The following GRM4 variants were observed in gnomAD, a reference collection of about 807,000 sequenced individuals.
GRM4 encodes the protein metabotropic glutamate receptor 4.
In GRM4, 28 loss-of-function variants were observed where a neutral mutation model predicts 81.7. That is an observed-to-expected ratio of 0.34 (90% CI 0.25 to 0.47). The LOEUF (loss-of-function observed/expected upper bound fraction) is 0.47. GRM4 is among the 20% of genes least tolerant of loss of function. The pLI is 1.00. For synonymous variants in GRM4, 488 were observed against 528.8 expected (o/e 0.92, Z 1.06); for missense variants, 948 against 1,290.0 (o/e 0.73, Z 4.06).
intron 3 of GRM4, among the ~76,000 whole-genome samples, chr6:34,084,996 G>A (rs1266939237): frequency 6.6e-6 from 1 of 152,176 alleles, no homozygotes; most frequent in Non-Finnish European, 1.5e-5. Flanking sequence ...AGGTGCTAGG[G>A]CTGGCTGTGC....
Position 34,022,812 on chromosome 6 carries a change from A to G in GRM4, c.*9T>C. On this transcript the variant is annotated 3_prime_UTR_variant, in exon 11 of 11. Transcript: ENST00000538487. This position sits in a 1 kb window ranked among gnomAD's most constrained non-coding sequence, Gnocchi z 5.6. The stretch of plus-strand genomic sequence containing the variant: ...GCTCCTCCTCCTGCTGCTCAGCTCC[A>G]TGGACTCGCTAGATTGCATGGTTGG... The G allele has an allele frequency of 1.9e-6, 3 of 1,612,530 alleles. No homozygotes were observed. The highest frequency in any genetic ancestry group is 2.5e-6 in the Non-Finnish European group (3 of 1,178,544).
chr6:34,021,024 CT>C lies in GRM4; in HGVS notation c.*1796del, dbSNP rs1763853861. ...GCACAGGCAGCCCAGGCTCCAGCTG[CT>C]GCCTATGGCCTCATTGTGTTTCTGG... On this transcript the variant is annotated 3_prime_UTR_variant, in exon 11 of 11. Coordinates refer to ENST00000538487, the MANE Select transcript of GRM4 (RefSeq NM_000841.4). This position sits in a 1 kb window ranked among gnomAD's most constrained non-coding sequence, Gnocchi z 5.3. 6.6e-6 allele frequency: 1 copy of C among 152,036 alleles called. No homozygotes were observed. Among genetic ancestry groups the C allele is most frequent in the African/African-American group, 2.4e-5 (1 of 41,368 alleles). The allele number at this position is 152,036 out of a possible 1,614,324, so 9.4% of individuals were successfully genotyped here.
upstream of GRM4, among the ~76,000 whole-genome samples, chr6:34,147,095 C>T (rs549137936): frequency 2.0e-5 from 3 of 152,332 alleles, no homozygotes; most frequent in South Asian, 2.1e-4. Context: ...GTTGGCAAAG[C>T]TTGCACTCTC....
At chr6:34,085,660 G>T (rs1767845886) in intron 3 of GRM4, among the ~76,000 whole-genome samples, 1 of 152,208 alleles carries the variant, frequency 6.6e-6, no homozygotes, top group African/African-American at 2.4e-5. Flanking sequence ...AACATTTATT[G>T]AGCAACTACT....
intron 1 of GRM4, among the ~76,000 whole-genome samples, chr6:34,145,241 G>A (rs762335989): frequency 1.1e-4 from 16 of 151,694 alleles, no homozygotes; most frequent in Middle Eastern, 3.4e-3. Context: ...CCAGCGCGCC[G>A]CGGAGCCGCC....
At chr6:34,128,915 G>C (rs879935262) in intron 2 of GRM4, among the ~76,000 whole-genome samples, 1 of 152,122 alleles carries the variant, frequency 6.6e-6, no homozygotes, top group Non-Finnish European at 1.5e-5. Context: ...ATTATTTCTG[G>C]ATCCCCCTGA....
In GRM4 at chr6:34,114,592, C is replaced by A. The variant is rs1489942; in HGVS notation, c.519+18386G>T. Among the ~76,000 whole-genome samples the A allele has an allele frequency of 9.4e-4, 143 of 152,188 alleles. No homozygotes were observed. Among genetic ancestry groups the A allele is most frequent in the African/African-American group, 3.3e-3 (139 of 41,506 alleles). On this transcript the variant is annotated intron_variant, in intron 2 of 10. Transcript: ENST00000538487. The surrounding 1 kb of genome is among the most constrained non-coding windows in gnomAD (Gnocchi z 4.3). Reference sequence around the variant, plus strand: ...AGCCCCTCTCCACTCACCCTCTGCCCAACCCTCCTGCATGCCACATCCCTG... The same window carrying A: ...AGCCCCTCTCCACTCACCCTCTGCCAAACCCTCCTGCATGCCACATCCCTG...
rs561199937 is a variant in GRM4 at position 34,091,720 on chromosome 6, T to C, written c.736+163A>G. On this transcript the variant is annotated intron_variant, in intron 3 of 10. Coordinates refer to ENST00000538487, the MANE Select transcript of GRM4 (RefSeq NM_000841.4). ...AGTCACCCAGAGCCCAGTGAGGCCA[T>C]GGACCAAACCACAGTGCTCAAAGAA... 1.4e-4 allele frequency: 87 copies of C among 610,586 alleles called. No individual in the cohort carries two copies. In the East Asian group the frequency reaches 2.3e-3, roughly 16 times the overall value. 37.8% of individuals were successfully genotyped at this position (610,586 alleles called of 1,614,324 possible). A position where few individuals can be genotyped will look rare whatever the true frequency, so the allele number is the denominator to read the frequency against.
chr6:34,128,216 G>A (rs1311443827), intron 2 of GRM4, among the ~76,000 whole-genome samples: 2 of 152,196 alleles, frequency 1.3e-5, no homozygotes, highest in Admixed American at 6.5e-5. Flanking sequence ...AAAGGTCACC[G>A]TCTGTCGCTG....
Position 34,082,720 on chromosome 6 carries a change from C to T in GRM4, c.736+9163G>A, listed in dbSNP as rs148411466. Among the ~76,000 whole-genome samples, 783 of 152,348 alleles carry T rather than the reference C, an allele frequency of 5.1e-3. 9 individuals are homozygous for T. Among genetic ancestry groups the T allele is most frequent in the Middle Eastern group, 0.014 (4 of 294 alleles). On this transcript the variant is annotated intron_variant, in intron 3 of 10. Coordinates refer to ENST00000538487, the MANE Select transcript of GRM4 (RefSeq NM_000841.4). Reference sequence around the variant, plus strand: ...TGCAGTGCCCGGCCCACCCGGCAAGCACCGTATAGGTATTCACGCACTTAA... The same window carrying T: ...TGCAGTGCCCGGCCCACCCGGCAAGTACCGTATAGGTATTCACGCACTTAA...
chr6:34,053,508 C>T (rs1425448204), intron 6 of GRM4, among the ~76,000 whole-genome samples: 1 of 152,246 alleles, frequency 6.6e-6, no homozygotes, highest in Non-Finnish European at 1.5e-5. Flanking sequence ...GGACTCTGAC[C>T]TGTCTCTGCT....
chr6:34,123,451 G>A (rs558151462), intron 2 of GRM4, among the ~76,000 whole-genome samples: 17 of 152,152 alleles, frequency 1.1e-4, no homozygotes, highest in Non-Finnish European at 2.2e-4. Flanking sequence ...GTGTGAGCCC[G>A]CCACACTACC....
At chr6:34,058,736 C>A (rs754802502) in intron 5 of GRM4, among the ~76,000 whole-genome samples, 1 of 152,166 alleles carries the variant, frequency 6.6e-6, no homozygotes, top group Non-Finnish European at 1.5e-5. Context: ...CCTTCCACCC[C>A]AAAAATGTCT....
At chr6:34,049,259 C>T (rs1025978283) in intron 6 of GRM4, among the ~76,000 whole-genome samples, 5 of 152,224 alleles carry the variant, frequency 3.3e-5, no homozygotes, top group South Asian at 2.1e-4. Flanking sequence ...ACAATGGCCC[C>T]GTCCAGCCCT....
At chr6:34,051,417 A>G (rs868389794) in intron 6 of GRM4, among the ~76,000 whole-genome samples, 39 of 152,158 alleles carry the variant, frequency 2.6e-4, no homozygotes, top group African/African-American at 9.2e-4. Flanking sequence ...GGTGACTGGC[A>G]TCTCCCCACA....
chr6:34,024,456 A>C, intron 10 of GRM4: 1 of 324,536 alleles, frequency 3.1e-6, no homozygotes, highest in East Asian at 7.6e-5. Flanking sequence ...AGCAACAAAC[A>C]TCTGTCTGAT....
intron 2 of GRM4, among the ~76,000 whole-genome samples, chr6:34,098,824 G>A (rs78897304): frequency 0.015 from 2,339 of 152,350 alleles, 41 homozygotes; most frequent in African/African-American, 0.044. Context: ...ACCCCTCAGG[G>A]GCCTGAGCAG....
chr6:34,085,047 G>A (rs1309201120), intron 3 of GRM4, among the ~76,000 whole-genome samples: 1 of 152,200 alleles, frequency 6.6e-6, no homozygotes, highest in Admixed American at 6.5e-5. Context: ...TGAGAGCAGG[G>A]CCTGCAGCCT....
rs1316541790 is a variant in GRM4 at position 34,074,825 on chromosome 6, C to T, written c.737-12797G>A. ...GGTGGCAGGAGGGGCCTGGATGGGG[C>T]AGGACACAAAGAGATGGCTGGTTCC... On this transcript the variant is annotated intron_variant, in intron 3 of 10. Transcript: ENST00000538487. This position sits in a 1 kb window ranked among gnomAD's most constrained non-coding sequence, Gnocchi z 4.9. 6.6e-6 allele frequency among the ~76,000 whole-genome samples: 1 copy of T among 152,148 alleles called. No homozygotes were observed. Among genetic ancestry groups the T allele is most frequent in the African/African-American group, 2.4e-5 (1 of 41,424 alleles).
Sources: gnomAD v4.1 joint callset for allele counts (sites outside exome capture counted in the v4.1 genomes callset) on GRCh38, gnomAD v4.1.1 for gene constraint, Gnocchi (gnomAD v3.1) non-coding constraint, MANE v1.5 for transcripts, NCBI Gene and HGNC (gene_info 2026-07-23, HGNC 2026-07-21) for gene names.